The following TPCN2 variants were observed in gnomAD, a reference collection of about 807,000 sequenced individuals.
TPCN2 encodes two pore channel protein 2.
TPCN2 carries 92 observed loss-of-function variants against 111.4 expected under a neutral mutation model. The observed-to-expected ratio is 0.83, with a 90% CI of 0.70 to 0.98. TPCN2 has a LOEUF of 0.98. TPCN2 is among the 50% of genes least tolerant of loss of function. The pLI is 0.00. For synonymous variants in TPCN2, 405 were observed against 414.5 expected, an observed-to-expected ratio of 0.98 and a Z score of 0.28; for missense variants, 995 against 980.1, an observed-to-expected ratio of 1.02 and a Z score of -0.20.
chr11:69,062,797 C>A, intron 5 of TPCN2, 87 bp from the exon 6 acceptor site: 1 of 1,300,704 alleles, frequency 7.7e-7, no homozygotes. Context: ...GCACTGGGGT[C>A]TCTGAACCGT....
intron 5 of TPCN2, among the ~76,000 whole-genome samples, chr11:69,059,619 T>C (rs1285240283): frequency 6.6e-6 from 1 of 152,270 alleles, no homozygotes; most frequent in Non-Finnish European, 1.5e-5. Context: ...AGCCAGCTAC[T>C]GTGGGCCCGC....
rs201584147 is a variant in TPCN2, at chr11:69,083,934, C to A, written c.1690-11C>A. ...GGAGGAGTAAGGGCTGTGCTCTCTT[C>A]CTGTCCTCAGCTGATGGCCGTGGTG... On this transcript the variant is annotated splice_polypyrimidine_tract_variant and intron_variant, in intron 18 of 24. Transcript: ENST00000294309. 6.2e-7 allele frequency: 1 copy of A among 1,613,472 alleles called. No individual in the cohort carries two copies. Among genetic ancestry groups the A allele is most frequent in the South Asian group, 1.1e-5 (1 of 91,054 alleles).
At chr11:69,063,014 C>G (rs745624586) in intron 6 of TPCN2, 24 bp downstream of exon 6, 4 of 1,607,742 alleles carry the variant, frequency 2.5e-6, no homozygotes, top group East Asian at 2.2e-5. Context: ...GCTCTGGGCT[C>G]GCAGGGTTGG....
intron 5 of TPCN2, among the ~76,000 whole-genome samples, chr11:69,061,948 AGT>A (rs1348969683): frequency 6.6e-6 from 1 of 151,124 alleles, no homozygotes; most frequent in Admixed American, 6.6e-5. Context: ...TGTGAGTGTG[AGT>A]GTGTGTGTGA....
chr11:69,071,345 T>C lies in TPCN2; in HGVS notation c.896-11T>C. ...GGTGGCGCCCCTGACCGTGGCTGTC[T>C]CCTCTTGAAGGAAGCCTGTTTCTGA... is the stretch of plus-strand genomic sequence containing the variant. On this transcript the variant is annotated splice_polypyrimidine_tract_variant and intron_variant, in intron 9 of 24. Coordinates refer to ENST00000294309, the MANE Select transcript of TPCN2 (RefSeq NM_139075.4). 6.2e-7 allele frequency: 1 copy of C among 1,613,100 alleles called. No individual in the cohort carries two copies. Among genetic ancestry groups the C allele is most frequent in the Non-Finnish European group, 8.5e-7 (1 of 1,179,516 alleles).
At chr11:69,071,295 C>CT (rs1420049781) in intron 9 of TPCN2, 61 bp from the exon 10 acceptor site, 2 of 1,402,202 alleles carry the variant, frequency 1.4e-6, no homozygotes, top group Non-Finnish European at 2.0e-6. Context: ...GCCGGCCACC[C>CT]TTGCGTTGGT....
chr11:69,057,413 G>A (rs532781162), intron 4 of TPCN2, among the ~76,000 whole-genome samples, 165 bp from the exon 5 acceptor site: 1 of 152,384 alleles, frequency 6.6e-6, no homozygotes, highest in South Asian at 2.1e-4. Flanking sequence ...GCTTGGGCGG[G>A]AGCTCGGGCC....
chr11:69,072,782 G>A, intron 12 of TPCN2, 74 bp downstream of exon 12: 2 of 1,582,608 alleles, frequency 1.3e-6, no homozygotes, highest in Non-Finnish European at 1.7e-6. Context: ...CCCTTTTCAG[G>A]ACTAGGGGTG....
In TPCN2 at chr11:69,086,794, T is replaced by C. The variant is rs115598814; in HGVS notation, c.2085+190T>C. Among the ~76,000 whole-genome samples, 1,358 of 152,110 alleles carry C rather than the reference T, an allele frequency of 8.9e-3. 20 individuals carry two copies. The highest frequency in any genetic ancestry group is 0.031 in the African/African-American group (1,281 of 41,424). ...GCTGCCCGCCCTGGCTGCTGGGGCCTTGGGGAGTGCTCCTGACATCTGGGC... is the reference window on the plus strand; with the variant it reads ...GCTGCCCGCCCTGGCTGCTGGGGCCCTGGGGAGTGCTCCTGACATCTGGGC... On this transcript the variant is annotated intron_variant, in intron 23 of 24. Transcript: ENST00000294309.
intron 6 of TPCN2, among the ~76,000 whole-genome samples, chr11:69,063,413 C>T (rs1360573263): frequency 2.0e-5 from 3 of 151,998 alleles, no homozygotes; most frequent in East Asian, 2.0e-4. Context: ...TGGAAGCCCT[C>T]GTGGCTCTTG....
Position 69,048,940 on chromosome 11 carries a change from G to T in TPCN2, c.-58G>T. ...GGGGTCTCCGCGCCTGCGCAGTGAAGCTGGGCGCCTTCGGGGCTTGAGCTT... is the reference window on the plus strand; with the variant it reads ...GGGGTCTCCGCGCCTGCGCAGTGAATCTGGGCGCCTTCGGGGCTTGAGCTT... On this transcript the variant is annotated 5_prime_UTR_variant, in exon 1 of 25. Transcript: ENST00000294309. The T allele has an allele frequency of 1.8e-6, 2 of 1,142,274 alleles. No homozygotes were observed. The highest frequency in any genetic ancestry group is 2.2e-6 in the Non-Finnish European group (2 of 903,830). The allele number at this position is 1,142,274 out of a possible 1,614,324, so 70.8% of individuals were successfully genotyped here.
In TPCN2 at chr11:69,072,010, G is replaced by C; in HGVS notation, c.1048G>C (p.Ala350Pro). 1 of 1,613,342 alleles carries C rather than the reference G, an allele frequency of 6.2e-7. No individual in the cohort carries two copies. Among genetic ancestry groups the C allele is most frequent in the Non-Finnish European group, 8.5e-7 (1 of 1,179,620 alleles). The change falls in exon 11 of 25, where the codon GCC becomes CCC. Residue 350 changes from alanine (A) to proline (P), a missense_variant. By Grantham distance (27) the Ala-to-Pro change is conservative (BLOSUM62 -1). Transcript: ENST00000294309. The part of the protein sequence containing the change: ...VLSSMVGEGG[A>P]FPQAVGVKPQ... ...ATCCTCCATGGTGGGGGAGGGAGGA[G>C]CCTTCCCTCAGGCGTGAGTGCTGGG...
chr11:69,084,542 C>T (rs1418307203), intron 19 of TPCN2: 5 of 981,722 alleles, frequency 5.1e-6, no homozygotes, highest in Non-Finnish European at 4.8e-6. Context: ...GCCTGGTGGC[C>T]GGGCTTGGGC....
chr11:69,067,714 T>A (rs10750840), intron 8 of TPCN2, 109 bp downstream of exon 8: 385,740 of 850,400 alleles, frequency 0.45, 90,347 homozygotes, highest in Non-Finnish European at 0.5. Context: ...AGGCCTTTTT[T>A]TCGATAAGTG....
At chr11:69,052,683 G>T (rs1041383887) in intron 1 of TPCN2, among the ~76,000 whole-genome samples, 1 of 152,138 alleles carries the variant, frequency 6.6e-6, no homozygotes, top group Non-Finnish European at 1.5e-5. Context: ...TATACCTCAT[G>T]CCCCCAAGCA....
chr11:69,054,881 T>A, intron 3 of TPCN2, 84 bp downstream of exon 3: 1 of 1,402,526 alleles, frequency 7.1e-7, no homozygotes, highest in Non-Finnish European at 1.0e-6. Context: ...GATCACCTGG[T>A]CTCAGGGTCC....
chr11:69,072,893 A>T lies in TPCN2; in HGVS notation c.1144-22A>T, dbSNP rs1320500756. 3 of 1,600,764 alleles carry T rather than the reference A, an allele frequency of 1.9e-6. No individual in the cohort carries two copies. The East Asian group carries it at 6.7e-5, about 36-fold the overall frequency. ...CTCACCTTCCCGTGCGCCCCTGCTG[A>T]CCTGTGCTCCTTCCTGTGCAGAAGG... On this transcript the variant is annotated intron_variant, in intron 12 of 24. Transcript: ENST00000294309.
At chr11:69,084,105 G>T (rs1856164442) in intron 19 of TPCN2, 89 bp downstream of exon 19, 3 of 1,330,466 alleles carry the variant, frequency 2.3e-6, no homozygotes, top group Non-Finnish European at 3.2e-6. Context: ...CCGGCTCACT[G>T]CTCTGTCGGT....
At chr11:69,079,169 T>C in intron 16 of TPCN2, 149 bp downstream of exon 16, 1 of 1,074,644 alleles carries the variant, frequency 9.3e-7, no homozygotes, top group Non-Finnish European at 1.3e-6. Flanking sequence ...CTGGCTTCCC[T>C]GCTGGCCGAG....
Sources: gnomAD v4.1 joint callset for allele counts (sites outside exome capture counted in the v4.1 genomes callset) on GRCh38, gnomAD v4.1.1 for gene constraint, MANE v1.5 for transcripts, NCBI Gene and HGNC (gene_info 2026-07-23, HGNC 2026-07-21) for gene names.